BMS1: variants seen among roughly 807,000 people sequenced by gnomAD.
BMS1 encodes the protein BMS1 ribosome biogenesis factor, also known as ribosome biogenesis protein BMS1 homolog.
BMS1 carries 53 observed loss-of-function variants against 138.7 expected under a neutral mutation model. The observed-to-expected ratio is 0.38, with a 90% confidence interval of 0.31 to 0.48. The LOEUF (loss-of-function observed/expected upper bound fraction) is 0.48, where lower values mean the gene tolerates loss of function less well. BMS1 is among the 20% of genes least tolerant of loss of function. The pLI, the probability that BMS1 is intolerant of heterozygous loss-of-function variation, is 0.97. For missense variants in BMS1, 1,360 were observed against 1,565.5 expected (o/e 0.87, Z 2.22); for synonymous variants, 504 against 539.9 (o/e 0.93, Z 0.92).
At chr10:42,807,058 G>A (rs1458949943) in intron 13 of BMS1, among the ~76,000 whole-genome samples, 6 of 151,742 alleles carry the variant, frequency 4.0e-5, no homozygotes, top group Admixed American at 1.3e-4. Context: ...TGTGTTTTAC[G>A]TGTGTGTGTG....
At chr10:42,798,675 T>C (rs549734761) in intron 12 of BMS1, 50 bp downstream of exon 12, 1 of 1,596,144 alleles carries the variant, frequency 6.3e-7, no homozygotes, top group Admixed American at 1.7e-5. Flanking sequence ...CGAATTGTTC[T>C]AGAATAAGAT....
chr10:42,784,671 C>G, intron 2 of BMS1, 101 bp downstream of exon 2: 1 of 1,343,778 alleles, frequency 7.4e-7, no homozygotes, highest in East Asian at 2.4e-5. Context: ...TAGTCCAGCT[C>G]CAAAGGACAT....
chr10:42,790,498 C>T lies in BMS1; in HGVS notation c.623C>T (p.Thr208Met), dbSNP rs200921732. Residue 208 changes from threonine to methionine, a missense_variant, in exon 5 of 23, where the codon ACG becomes ATG. Coordinates refer to ENST00000374518, the MANE Select transcript of BMS1 (RefSeq NM_014753.4). ...TKKRLKHRFW[T>M]EVYPGAKLFY... Reference sequence around the variant, plus strand: ...AAGCGATTAAAACACAGGTTCTGGACGGAAGTTTACCCGGTACGAAGAGAA... The same window carrying T: ...AAGCGATTAAAACACAGGTTCTGGATGGAAGTTTACCCGGTACGAAGAGAA... The T allele has an allele frequency of 3.0e-5, 48 of 1,613,812 alleles. No homozygotes were observed. The highest frequency in any genetic ancestry group is 6.7e-5 in the African/African-American group (5 of 74,984).
rs1384904704 is a variant in BMS1 at position 42,790,499 on chromosome 10, G to A, written c.624G>A (p.Thr208=). ...TKKRLKHRFW[T]EVYPGAKLFY... Reference sequence around the variant, plus strand: ...AGCGATTAAAACACAGGTTCTGGACGGAAGTTTACCCGGTACGAAGAGAAA... The same window carrying A: ...AGCGATTAAAACACAGGTTCTGGACAGAAGTTTACCCGGTACGAAGAGAAA... The change falls in exon 5 of 23, where the codon ACG becomes ACA. Residue 208 remains threonine, a synonymous_variant. Transcript: ENST00000374518. 3.7e-6 allele frequency: 6 copies of A among 1,613,722 alleles called. No homozygotes were observed. The highest frequency in any genetic ancestry group is 2.2e-5 in the East Asian group (1 of 44,894).
intron 11 of BMS1, among the ~76,000 whole-genome samples, chr10:42,797,756 G>A (rs924330312): frequency 1.3e-5 from 2 of 152,150 alleles, no homozygotes; most frequent in Non-Finnish European, 2.9e-5. Flanking sequence ...ATTGCATCAT[G>A]TTATGTCCCC....
At chr10:42,821,964 A>C in intron 18 of BMS1, 98 bp from the exon 19 acceptor site, 1 of 1,241,042 alleles carries the variant, frequency 8.1e-7, no homozygotes, top group Non-Finnish European at 1.2e-6. Flanking sequence ...AGCTAATTGT[A>C]AGTAAAATTC....
At chr10:42,793,401 G>A (rs371503681) in intron 8 of BMS1, among the ~76,000 whole-genome samples, 7 of 151,778 alleles carry the variant, frequency 4.6e-5, no homozygotes, top group South Asian at 2.1e-4. Flanking sequence ...GCTGTGTGGC[G>A]CCTGCACGGC....
chr10:42,791,807 A>T (rs1419680274), intron 6 of BMS1, 38 bp downstream of exon 6: 2 of 1,574,500 alleles, frequency 1.3e-6, no homozygotes, highest in Non-Finnish European at 1.7e-6. Flanking sequence ...CCTGGGCCAT[A>T]TATTTCAAAG....
chr10:42,783,454 T>G (rs1229260188), intron 1 of BMS1, among the ~76,000 whole-genome samples: 2 of 152,244 alleles, frequency 1.3e-5, no homozygotes, highest in Non-Finnish European at 2.9e-5. Context: ...AGATAATAGC[T>G]GTATCCACTT....
chr10:42,823,515 G>A lies in BMS1; in HGVS notation c.3281-94G>A. 7.1e-6 allele frequency: 9 copies of A among 1,274,898 alleles called. 1 individual carries two copies. The South Asian group carries it at 1.5e-4, about 22-fold the overall frequency. The allele number at this position is 1,274,898 out of a possible 1,614,324, so 79.0% of individuals were successfully genotyped here. A position where few individuals can be genotyped will look rare whatever the true frequency, so the allele number is the denominator to read the frequency against. On this transcript the variant is annotated intron_variant, in intron 20 of 22. Coordinates refer to ENST00000374518, the MANE Select transcript of BMS1 (RefSeq NM_014753.4). Reference sequence around the variant, plus strand: ...TTCAAATACTTTGCAGCCAGGTAGAGAAGTTTGGAGTGAAGGTTTTATTCT... The same window carrying A: ...TTCAAATACTTTGCAGCCAGGTAGAAAAGTTTGGAGTGAAGGTTTTATTCT...
chr10:42,817,675 T>A (rs1387142717), intron 15 of BMS1, among the ~76,000 whole-genome samples, 181 bp downstream of exon 15: 1 of 152,212 alleles, frequency 6.6e-6, no homozygotes, highest in Non-Finnish European at 1.5e-5. Flanking sequence ...GAGCTCATTG[T>A]TTCTGCAGTC....
chr10:42,800,852 T>G (rs1431253294), intron 12 of BMS1, among the ~76,000 whole-genome samples: 1 of 152,178 alleles, frequency 6.6e-6, no homozygotes. Context: ...AATCAGTTTG[T>G]GGAGTGATTC....
Position 42,823,242 on chromosome 10 carries a change from T to C in BMS1, c.3257T>C (p.Phe1086Ser). 4 of 1,593,574 alleles carry C rather than the reference T, an allele frequency of 2.5e-6. No individual in the cohort carries two copies. The highest frequency in any genetic ancestry group is 3.4e-6 in the Non-Finnish European group (4 of 1,172,952). ...RAPEGAFRAS[F>S]EDKLLMSDIV... The stretch of plus-strand genomic sequence containing the variant: ...CCAGAAGGAGCTTTCAGGGCCAGCT[T>C]TGAGGATAAGCTGCTGATGAGCGGT... The change falls in exon 20 of 23, where the codon TTT becomes TCT. Residue 1086 changes from phenylalanine (F) to serine (S), a missense_variant. Transcript: ENST00000374518.
rs574917732 is a variant in BMS1 at position 42,830,540 on chromosome 10, G to A, written c.3618+118G>A. 6.4e-5 allele frequency: 86 copies of A among 1,352,542 alleles called. No homozygotes were observed. The Admixed American group carries it at 2.3e-3, about 36-fold the overall frequency. 83.8% of individuals were successfully genotyped at this position (1,352,542 alleles called of 1,614,324 possible). A position where few individuals can be genotyped will look rare whatever the true frequency, so the allele number is the denominator to read the frequency against. On this transcript the variant is annotated intron_variant, in intron 22 of 22. Transcript: ENST00000374518. ...ATTCAGGGCACTGGAACTAAAGTCA[G>A]AGGAAGAGCCAGAGTCCATTTCCCT...
chr10:42,789,431 T>C (rs553828637), intron 4 of BMS1, among the ~76,000 whole-genome samples: 226 of 152,346 alleles, frequency 1.5e-3, no homozygotes, highest in Middle Eastern at 3.4e-3. Context: ...TTTTTAGTTA[T>C]CTATGCAAAG....
intron 6 of BMS1, 31 bp downstream of exon 6, chr10:42,791,800 G>C (rs1252788831): frequency 6.3e-7 from 1 of 1,579,856 alleles, no homozygotes; most frequent in Non-Finnish European, 8.6e-7. Context: ...TTTTCTTCCT[G>C]GGCCATATAT....
chr10:42,822,740 C>T lies in BMS1; in HGVS notation c.3133-378C>T, dbSNP rs145443673. On this transcript the variant is annotated intron_variant, in intron 19 of 22. Coordinates refer to ENST00000374518, the MANE Select transcript of BMS1 (RefSeq NM_014753.4). ...CAATATAAGGTAATAATACCACCAGCGTTTATCTTACTGTTTTCATGTTCT... is the reference window on the plus strand; with the variant it reads ...CAATATAAGGTAATAATACCACCAGTGTTTATCTTACTGTTTTCATGTTCT... 5.8e-3 allele frequency among the ~76,000 whole-genome samples: 884 copies of T among 152,232 alleles called. 12 individuals are homozygous for T. The highest frequency in any genetic ancestry group is 0.02 in the African/African-American group (814 of 41,518).
At chr10:42,822,888 C>T (rs532539947) in intron 19 of BMS1, among the ~76,000 whole-genome samples, 5 of 152,260 alleles carry the variant, frequency 3.3e-5, no homozygotes, top group African/African-American at 7.2e-5. Flanking sequence ...ACACAGACAG[C>T]GGTGATGAGC....
chr10:42,821,984 A>T, intron 18 of BMS1, 78 bp from the exon 19 acceptor site: 10 of 1,391,844 alleles, frequency 7.2e-6, no homozygotes, highest in Non-Finnish European at 1.0e-5. Flanking sequence ...CACTTTGGTA[A>T]TTTATTGTGT....
Sources: allele counts gnomAD v4.1 joint callset (sites outside exome capture counted in the v4.1 genomes callset), GRCh38; gene constraint gnomAD v4.1.1; transcripts MANE v1.5; gene names NCBI Gene and HGNC (gene_info 2026-07-23, HGNC 2026-07-21).